The following DLGAP1 variants were observed in gnomAD, a reference collection of about 807,000 sequenced individuals.
DLGAP1 encodes DLG associated protein 1.
DLGAP1 carries 11 observed loss-of-function variants against 90.8 expected under a neutral mutation model. That is an observed-to-expected ratio of 0.12 (90% CI 0.08 to 0.20). The LOEUF is 0.20. DLGAP1 is among the 10% of genes least tolerant of loss of function. DLGAP1 has a pLI of 1.00. For synonymous variants in DLGAP1, 558 were observed against 540.7 expected (o/e 1.03, Z -0.44); for missense variants, 1,050 against 1,333.8 (o/e 0.79, Z 3.31).
intron 1 of DLGAP1, among the ~76,000 whole-genome samples, chr18:4,306,080 CGGAG>C (rs1043021631): frequency 8.1e-5 from 11 of 136,362 alleles, no homozygotes; most frequent in African/African-American, 2.9e-4. Context: ...GAGAGGGGGG[CGGAG>C]AGAGAGAGAG....
At chr18:4,444,262 G>T (rs535065292) in intron 1 of DLGAP1, among the ~76,000 whole-genome samples, 1 of 152,258 alleles carries the variant, frequency 6.6e-6, no homozygotes, top group South Asian at 2.1e-4. Flanking sequence ...TAAGAAATAT[G>T]TATTCTGAGC....
chr18:3,565,274 G>A lies in DLGAP1; in HGVS notation c.2057+2216C>T, dbSNP rs578132150. ...AGGGATTGTCCTGCCTCAGCCTCCC[G>A]AGTTCCTGGGATTACAGGAACCCAC... On this transcript the variant is annotated intron_variant, in intron 9 of 12. Transcript: ENST00000315677. The surrounding 1 kb of genome is among the most constrained non-coding windows in gnomAD (Gnocchi z 4.0). Among the ~76,000 whole-genome samples, 8 of 151,948 alleles carry A rather than the reference G, an allele frequency of 5.3e-5. No homozygotes were observed. Among genetic ancestry groups the A allele is most frequent in the East Asian group, 2.0e-4 (1 of 5,110 alleles).
chr18:4,183,006 A>C (rs2077233687), intron 1 of DLGAP1, among the ~76,000 whole-genome samples: 1 of 152,186 alleles, frequency 6.6e-6, no homozygotes. Flanking sequence ...GGCAATTATA[A>C]ACATGTCCCT....
At chr18:3,948,099 G>C (rs1300101879) in intron 3 of DLGAP1, among the ~76,000 whole-genome samples, 1 of 152,168 alleles carries the variant, frequency 6.6e-6, no homozygotes, top group Non-Finnish European at 1.5e-5. Context: ...CTGGGGCTTC[G>C]TTAGGAACAC....
In DLGAP1 at chr18:3,594,980, C is replaced by T. The variant is rs143353699; in HGVS notation, c.1592-12732G>A. On this transcript the variant is annotated intron_variant, in intron 7 of 12. Coordinates refer to ENST00000315677, the MANE Select transcript of DLGAP1 (RefSeq NM_004746.4). ...GATTTCCAGACTGCAGGCCCAGCTACCCAGAGAGTGTGCCTCAAAGCCCCA... is the reference window on the plus strand; with the variant it reads ...GATTTCCAGACTGCAGGCCCAGCTATCCAGAGAGTGTGCCTCAAAGCCCCA... Among the ~76,000 whole-genome samples, 925 of 152,342 alleles carry T rather than the reference C, an allele frequency of 6.1e-3. 15 individuals are homozygous for T. Among genetic ancestry groups the T allele is most frequent in the African/African-American group, 0.022 (898 of 41,580 alleles).
At chr18:4,141,648 C>A (rs1033517682) in intron 2 of DLGAP1, among the ~76,000 whole-genome samples, 1 of 151,914 alleles carries the variant, frequency 6.6e-6, no homozygotes, top group African/African-American at 2.4e-5. Flanking sequence ...TTAAACATCA[C>A]CTGCATTCAT....
At chr18:3,506,194 G>A (rs772678174) in intron 11 of DLGAP1, among the ~76,000 whole-genome samples, 7 of 151,768 alleles carry the variant, frequency 4.6e-5, no homozygotes, top group Non-Finnish European at 8.8e-5. Flanking sequence ...CCAAGATCAC[G>A]CCACTGCCCT....
chr18:3,550,044 G>A (rs1166605052), intron 9 of DLGAP1, among the ~76,000 whole-genome samples: 1 of 152,118 alleles, frequency 6.6e-6, no homozygotes, highest in African/African-American at 2.4e-5. Context: ...CTCCCAAGTA[G>A]CTGAGACTAC....
chr18:4,117,776 G>A (rs2144074232), intron 2 of DLGAP1, among the ~76,000 whole-genome samples: 1 of 152,252 alleles, frequency 6.6e-6, no homozygotes, highest in Non-Finnish European at 1.5e-5. Context: ...AGGCTGCCAG[G>A]GATCAGCATG....
At chr18:3,534,089 A>C (rs1360491309) in intron 10 of DLGAP1, 105 bp downstream of exon 10, 14 of 1,309,862 alleles carry the variant, frequency 1.1e-5, no homozygotes, top group Non-Finnish European at 1.5e-5. Flanking sequence ...GTGGAACGTC[A>C]AGGTTATACA....
chr18:3,749,259 C>T (rs566915347), intron 5 of DLGAP1, among the ~76,000 whole-genome samples: 6 of 151,222 alleles, frequency 4.0e-5, no homozygotes, highest in Admixed American at 4.0e-4. Context: ...AAGTGATTCT[C>T]CGCCTCAGCC....
intron 10 of DLGAP1, among the ~76,000 whole-genome samples, chr18:3,512,041 G>T (rs932685159): frequency 4.0e-5 from 6 of 148,786 alleles, no homozygotes; most frequent in African/African-American, 1.5e-4. Context: ...GTGTTGAGTT[G>T]ATCTCTTTCA....
rs189190874 is a variant in DLGAP1, at chr18:4,394,533, A to G, written c.-267+60473T>C. On this transcript the variant is annotated intron_variant, in intron 1 of 12. Transcript: ENST00000315677. Reference sequence around the variant, plus strand: ...ATTCCTTTGGAGAAGAATTTGGGGGAAAAAATCCCCAAAATAGAATGCCTC... The same window carrying G: ...ATTCCTTTGGAGAAGAATTTGGGGGGAAAAATCCCCAAAATAGAATGCCTC... Among the ~76,000 whole-genome samples the G allele has an allele frequency of 8.5e-5, 13 of 152,086 alleles. No individual in the cohort carries two copies. The East Asian group carries it at 2.5e-3, about 29-fold the overall frequency.
At chr18:3,584,950 G>T (rs937898615) in intron 7 of DLGAP1, among the ~76,000 whole-genome samples, 1 of 152,080 alleles carries the variant, frequency 6.6e-6, no homozygotes, top group African/African-American at 2.4e-5. Context: ...TGGGGGTCTT[G>T]TTGTGTTGCC....
chr18:4,084,352 A>G lies in DLGAP1; in HGVS notation c.-159+66828T>C, dbSNP rs1309669690. On this transcript the variant is annotated intron_variant, in intron 2 of 12. Transcript: ENST00000315677. This position sits in a 1 kb window ranked among gnomAD's most constrained non-coding sequence, Gnocchi z 4.0. ...CCATAACTCATTTAACAATCTTTCC[A>G]TTGTTAAAAATTTAGATTTGTTTTC... Among the ~76,000 whole-genome samples, 1 of 152,190 alleles carries G rather than the reference A, an allele frequency of 6.6e-6. No homozygotes were observed. Among genetic ancestry groups the G allele is most frequent in the Non-Finnish European group, 1.5e-5 (1 of 68,022 alleles).
intron 4 of DLGAP1, among the ~76,000 whole-genome samples, chr18:3,820,189 G>A (rs1467314485): frequency 6.6e-6 from 1 of 152,164 alleles, no homozygotes; most frequent in Non-Finnish European, 1.5e-5. Context: ...ATGAGAATGC[G>A]TGAGATTTTG....
intron 7 of DLGAP1, among the ~76,000 whole-genome samples, chr18:3,588,563 C>A (rs917036782): frequency 2.6e-5 from 4 of 151,930 alleles, no homozygotes; most frequent in Admixed American, 6.6e-5. Context: ...AGGTGGATCA[C>A]AAGGTCAGGA....
At position 3,499,179 on chromosome 18, in the gene DLGAP1, G is replaced by C. The variant is rs906110461; in HGVS notation, c.*6C>G. On this transcript the variant is annotated 3_prime_UTR_variant, in exon 13 of 13. Transcript: ENST00000315677. The surrounding 1 kb of genome is among the most constrained non-coding windows in gnomAD (Gnocchi z 6.4). ...GCTTGGCGGCGGCGGCCGGGCTGCGGGGCGCTCAGAGCCGGGTCTGCGCCT... is the reference window on the plus strand; with the variant it reads ...GCTTGGCGGCGGCGGCCGGGCTGCGCGGCGCTCAGAGCCGGGTCTGCGCCT... 17 of 1,559,114 alleles carry C rather than the reference G, an allele frequency of 1.1e-5. No homozygotes were observed. The highest frequency in any genetic ancestry group is 2.3e-5 in the South Asian group (2 of 86,108).
At chr18:3,679,112 G>A (rs1367868726) in intron 7 of DLGAP1, among the ~76,000 whole-genome samples, 1 of 152,048 alleles carries the variant, frequency 6.6e-6, no homozygotes, top group African/African-American at 2.4e-5. Flanking sequence ...GATTACAGGC[G>A]CATGCCACTG....
Sources: gnomAD v4.1 joint callset for allele counts (sites outside exome capture counted in the v4.1 genomes callset) on GRCh38, gnomAD v4.1.1 for gene constraint, Gnocchi (gnomAD v3.1) non-coding constraint, MANE v1.5 for transcripts, NCBI Gene and HGNC (gene_info 2026-07-23, HGNC 2026-07-21) for gene names.